DMBT1: variants seen among roughly 807,000 people sequenced by gnomAD.
DMBT1 encodes the protein scavenger receptor cysteine-rich domain-containing protein DMBT1.
A neutral mutation model predicts 252.9 loss-of-function variants in DMBT1; 198 were observed. The observed-to-expected ratio is 0.78, with a 90% CI of 0.70 to 0.88. The LOEUF is 0.88. Among genes scored for constraint, DMBT1 ranks in the 40% least tolerant of loss-of-function variants. DMBT1 has a pLI of 0.00. For synonymous variants in DMBT1, 990 were observed against 942.7 expected (o/e 1.05, Z -0.92); for missense variants, 2,432 against 2,404.7 (o/e 1.01, Z -0.24).
Position 122,590,654 on chromosome 10 carries a change from C to G in DMBT1, c.2108-11C>G. On this transcript the variant is annotated splice_polypyrimidine_tract_variant and intron_variant, in intron 17 of 55. Transcript: ENST00000338354. ...TATAGTGCATCTGATCTGACCTCCTCTTTCTCACAGCTGCCCAGTCCCGGT... is the reference window on the plus strand; with the variant it reads ...TATAGTGCATCTGATCTGACCTCCTGTTTCTCACAGCTGCCCAGTCCCGGT... The G allele has an allele frequency of 6.3e-7, 1 of 1,587,946 alleles. No individual in the cohort carries two copies.
intron 40 of DMBT1, 129 bp downstream of exon 40, chr10:122,617,389 G>A (rs2098000453): frequency 8.3e-7 from 1 of 1,202,674 alleles, no homozygotes; most frequent in Non-Finnish European, 1.2e-6. Context: ...TGGGAGGAAG[G>A]TGGAGTTTCT....
chr10:122,623,196 T>C (rs539186286), intron 44 of DMBT1, among the ~76,000 whole-genome samples: 1 of 152,370 alleles, frequency 6.6e-6, no homozygotes, highest in South Asian at 2.1e-4. Context: ...CTTAACATAA[T>C]GTTTTCAAGG....
In DMBT1 at chr10:122,589,258, A is replaced by C. The variant is rs185274383; in HGVS notation, c.2098A>C (p.Ile700Leu). The change falls in exon 17 of 56, where the codon ATC (isoleucine) becomes CTC (leucine). Residue 700 changes from isoleucine (I) to leucine (L), a missense_variant. By Grantham distance (5) the Ile-to-Leu change is conservative. Transcript: ENST00000338354. ...TGGCCATCATGAAGATGCTGGTGTC[A>C]TCTGCTCAGGTGGGCCTCCAGCAAT... ...NCGHHEDAGV[I>L]CSAAQSRSTP... The C allele has an allele frequency of 1.5e-4, 237 of 1,588,558 alleles. 8 individuals are homozygous for C. The African/African-American group carries it at 2.6e-3, about 18-fold the overall frequency.
Position 122,618,036 on chromosome 10 carries a change from C to A in DMBT1, c.4911C>A (p.Ala1637=). Residue 1637 remains alanine (A), a synonymous_variant, in exon 41 of 56, where the codon GCC becomes GCA. Coordinates refer to ENST00000338354, the MANE Select transcript of DMBT1 (RefSeq NM_001377530.1). ...ASTAGSESTL[A]LRLVNGGDRC... is the part of the protein sequence containing the mutation. ...CTGTAGGATCTGAATCCACTTTGGCCCTGAGACTGGTGAATGGAGGTGACA... is the reference window on the plus strand; with the variant it reads ...CTGTAGGATCTGAATCCACTTTGGCACTGAGACTGGTGAATGGAGGTGACA... 2.5e-6 allele frequency: 4 copies of A among 1,613,066 alleles called. No homozygotes were observed. Among genetic ancestry groups the A allele is most frequent in the Non-Finnish European group, 3.4e-6 (4 of 1,179,754 alleles).
chr10:122,585,249 T>G (rs2097779420), intron 14 of DMBT1, 22 bp from the exon 15 acceptor site: 1 of 1,585,118 alleles, frequency 6.3e-7, no homozygotes, highest in South Asian at 1.2e-5. Context: ...AATTCTAGCC[T>G]TTGTCTCTGT....
rs1390846092 is a variant in DMBT1, at chr10:122,573,746, G to C, written c.267G>C (p.Glu89Asp). 6.2e-7 allele frequency: 1 copy of C among 1,613,872 alleles called. No homozygotes were observed. Among genetic ancestry groups the C allele is most frequent in the East Asian group, 2.2e-5 (1 of 44,860 alleles). ...TGATTCCCTCAGAGTCAACCCTGGA[G>C]TCAACTGTAGCAGAAGGTAACGTCT... is the stretch of plus-strand genomic sequence containing the variant. The part of the protein sequence containing the change: ...GSLIPSESTL[E>D]STVAEGSDSG... Residue 89 changes from glutamate to aspartate, a missense_variant, in exon 6 of 56, where the codon GAG (glutamate) becomes GAC (aspartate). By Grantham distance (45) the Glu-to-Asp change is conservative. Coordinates refer to ENST00000338354, the MANE Select transcript of DMBT1 (RefSeq NM_001377530.1).
At chr10:122,570,389 G>A (rs967083359) in intron 3 of DMBT1, among the ~76,000 whole-genome samples, 180 bp downstream of exon 3, 4 of 152,222 alleles carry the variant, frequency 2.6e-5, no homozygotes, top group Non-Finnish European at 5.9e-5. Context: ...ACTACCAAGT[G>A]AGACTGGGCT....
chr10:122,586,457 T>G lies in DMBT1; in HGVS notation c.1783+74T>G, dbSNP rs927098422. On this transcript the variant is annotated intron_variant, in intron 16 of 55. Transcript: ENST00000338354. ...AGGAAGGTTTTATTATGTTCTAATC[T>G]CCTCACTTAGAGCTTTTTCAACTTT... The G allele has an allele frequency of 1.7e-4, 256 of 1,551,360 alleles. 17 individuals carry two copies. Among genetic ancestry groups the G allele is most frequent in the Non-Finnish European group, 2.2e-4 (251 of 1,147,114 alleles).
intron 46 of DMBT1, among the ~76,000 whole-genome samples, chr10:122,629,260 C>T (rs1234142785): frequency 1.3e-5 from 2 of 152,156 alleles, no homozygotes; most frequent in East Asian, 3.8e-4. Context: ...CATTACCACT[C>T]TCATTTTTCT....
chr10:122,620,389 G>C, intron 43 of DMBT1, 98 bp downstream of exon 43: 1 of 1,429,222 alleles, frequency 7.0e-7, no homozygotes. Context: ...TGGCGCCTCT[G>C]TTTTTCATGT....
At chr10:122,589,381 A>G (rs2097826638) in intron 17 of DMBT1, 114 bp downstream of exon 17, 1 of 1,466,560 alleles carries the variant, frequency 6.8e-7, no homozygotes, top group African/African-American at 1.4e-5. Flanking sequence ...TATGTTTCTG[A>G]TATCTCCTTA....
At chr10:122,642,180 A>AAAAAAAAC (rs113301140) in intron 55 of DMBT1, among the ~76,000 whole-genome samples, 2 of 151,510 alleles carry the variant, frequency 1.3e-5, no homozygotes, top group East Asian at 3.9e-4. Flanking sequence ...ACTGTGAAAA[A>AAAAAAAAC]AAAAACAAAA....
chr10:122,640,056 T>C lies in DMBT1; in HGVS notation c.6959T>C (p.Ile2320Thr). Residue 2320 changes from isoleucine to threonine, a missense_variant, in exon 55 of 56, where the codon ATC (isoleucine) becomes ACC (threonine). This residue lies in a region of DMBT1 where 1,162 missense variants were observed against 1,169.0 expected (regional missense o/e 0.99). Transcript: ENST00000338354. ...CTCTCCTAGGCAGACAATGACACCA[T>C]CGACTATTCCAACTTCCTCACAGCA... ...GTFKQADNDTIDYSNFLTAAV... is the reference protein window; with the variant it reads ...GTFKQADNDTTDYSNFLTAAV... 1 of 1,613,856 alleles carries C rather than the reference T, an allele frequency of 6.2e-7. No individual in the cohort carries two copies. Among genetic ancestry groups the C allele is most frequent in the Non-Finnish European group, 8.5e-7 (1 of 1,179,798 alleles).
chr10:122,639,984 G>C, intron 54 of DMBT1, 56 bp from the exon 55 acceptor site: 5 of 1,567,840 alleles, frequency 3.2e-6, no homozygotes, highest in Non-Finnish European at 4.3e-6. Context: ...TCAGCTATGG[G>C]ATTCCCTTAG....
intron 24 of DMBT1, 127 bp from the exon 25 acceptor site, chr10:122,597,847 G>C (rs1016198522): frequency 7.1e-7 from 1 of 1,407,454 alleles, no homozygotes; most frequent in African/African-American, 1.4e-5. Flanking sequence ...GCAGACACAT[G>C]GGGAGCAAGT....
intron 44 of DMBT1, among the ~76,000 whole-genome samples, chr10:122,624,685 C>T (rs939412333): frequency 6.7e-4 from 102 of 152,150 alleles, no homozygotes; most frequent in African/African-American, 2.3e-3. Context: ...GTGGCTGGGC[C>T]GTGGCATTCC....
At chr10:122,617,530 A>G (rs1022842256) in intron 40 of DMBT1, among the ~76,000 whole-genome samples, 9 of 151,458 alleles carry the variant, frequency 5.9e-5, no homozygotes, top group Non-Finnish European at 1.3e-4. Context: ...AGGCTCCCTA[A>G]TCCTGCTGGG....
At chr10:122,631,777 G>T in intron 49 of DMBT1, 78 bp from the exon 50 acceptor site, 8 of 1,525,344 alleles carry the variant, frequency 5.2e-6, no homozygotes, top group Non-Finnish European at 7.3e-6. Context: ...GGCCATGTAA[G>T]TGTATCTCTG....
chr10:122,597,427 G>C (rs531286973), intron 24 of DMBT1, among the ~76,000 whole-genome samples: 1 of 152,280 alleles, frequency 6.6e-6, no homozygotes, highest in East Asian at 1.9e-4. Context: ...GTCAGCTAAA[G>C]CCTTAAACAT....
Sources: allele counts gnomAD v4.1 joint callset (sites outside exome capture counted in the v4.1 genomes callset), GRCh38; gene constraint gnomAD v4.1.1; regional missense constraint gnomAD v4.1.1; transcripts MANE v1.5; gene names NCBI Gene and HGNC (gene_info 2026-07-23, HGNC 2026-07-21).